The following CATSPERB variants were observed in gnomAD, a reference collection of about 807,000 sequenced individuals.
CATSPERB encodes the protein catsper channel auxiliary subunit beta.
CATSPERB carries 93 observed loss-of-function variants against 128.3 expected under a neutral mutation model. The ratio of observed to expected loss-of-function variants is 0.72; its 90% CI spans 0.61 to 0.86. The LOEUF (loss-of-function observed/expected upper bound fraction) is 0.86. Ranked by LOEUF, CATSPERB falls within the 40% of genes least tolerant of loss-of-function variation. The pLI is 0.00. For synonymous variants in CATSPERB, 381 were observed against 448.8 expected (o/e 0.85, Z 1.91); for missense variants, 1,153 against 1,329.5 (o/e 0.87, Z 2.06).
chr14:91,611,306 T>A (rs572969287), intron 20 of CATSPERB, among the ~76,000 whole-genome samples: 8 of 152,244 alleles, frequency 5.3e-5, no homozygotes, highest in Admixed American at 4.6e-4. Context: ...GGAAATAAGC[T>A]AGGATCAAGA....
At chr14:91,586,136 C>A (rs1421312939) in intron 26 of CATSPERB, among the ~76,000 whole-genome samples, 1 of 152,180 alleles carries the variant, frequency 6.6e-6, no homozygotes, top group Non-Finnish European at 1.5e-5. Flanking sequence ...GTGCCCTGGT[C>A]ATATGCAGCT....
At chr14:91,731,652 C>T (rs1896213049) in intron 1 of CATSPERB, among the ~76,000 whole-genome samples, 1 of 152,176 alleles carries the variant, frequency 6.6e-6, no homozygotes, top group South Asian at 2.1e-4. Context: ...TTTTCCTCAT[C>T]ACACTCCCCT....
At chr14:91,588,145 A>C in intron 24 of CATSPERB, 67 bp from the exon 25 acceptor site, 1 of 966,904 alleles carries the variant, frequency 1.0e-6, no homozygotes, top group Non-Finnish European at 1.6e-6. Context: ...TTGGTGCAAA[A>C]GTAATTGCTG....
chr14:91,701,267 A>G (rs142265806), intron 7 of CATSPERB, among the ~76,000 whole-genome samples: 52 of 152,344 alleles, frequency 3.4e-4, no homozygotes, highest in African/African-American at 1.2e-3. Flanking sequence ...GTTTCAAACA[A>G]GAGGACAGGA....
chr14:91,648,338 G>A (rs564815895), intron 15 of CATSPERB, among the ~76,000 whole-genome samples: 2 of 152,268 alleles, frequency 1.3e-5, no homozygotes, highest in South Asian at 4.1e-4. Flanking sequence ...ACTGGGTTCA[G>A]TTTACCTGCT....
rs566329864 is a variant in CATSPERB, at chr14:91,684,578, A to T, written c.865-635T>A. ...AAAGCCTTTGCTGATATCTAATGAC[A>T]AAACTTGAACACATGAGGAGACACT... is the stretch of plus-strand genomic sequence containing the variant. On this transcript the variant is annotated intron_variant, in intron 10 of 26. Transcript: ENST00000256343. Among the ~76,000 whole-genome samples, 5 of 151,842 alleles carry T rather than the reference A, an allele frequency of 3.3e-5. No homozygotes were observed. The East Asian group carries it at 9.6e-4, about 29-fold the overall frequency.
chr14:91,699,689 T>G (rs1052088626), intron 7 of CATSPERB, among the ~76,000 whole-genome samples: 1 of 151,426 alleles, frequency 6.6e-6, no homozygotes, highest in Non-Finnish European at 1.5e-5. Context: ...TTCTCCTGCC[T>G]CAGCCTCCCG....
intron 15 of CATSPERB, among the ~76,000 whole-genome samples, chr14:91,655,344 C>A (rs1894768999): frequency 6.6e-6 from 1 of 152,202 alleles, no homozygotes. Flanking sequence ...CAAAATAAGG[C>A]ACCAGAGACC....
chr14:91,581,153 T>C (rs1326620259), intron 26 of CATSPERB, 46 bp from the exon 27 acceptor site: 2 of 1,452,982 alleles, frequency 1.4e-6, no homozygotes, highest in Admixed American at 3.9e-5. Context: ...AATTTAGCAA[T>C]GCAAAACACT....
intron 18 of CATSPERB, among the ~76,000 whole-genome samples, chr14:91,622,955 C>T (rs989085749): frequency 7.0e-6 from 1 of 142,894 alleles, no homozygotes; most frequent in Non-Finnish European, 1.5e-5. Context: ...AGTGCAATGG[C>T]GCAATCTTGG....
Position 91,621,699 on chromosome 14 carries a change from T to C in CATSPERB, c.2169A>G (p.Gln723=), listed in dbSNP as rs150224190. 1 of 1,613,902 alleles carries C rather than the reference T, an allele frequency of 6.2e-7. No individual in the cohort carries two copies. Among genetic ancestry groups the C allele is most frequent in the Non-Finnish European group, 8.5e-7 (1 of 1,179,762 alleles). Residue 723 remains glutamine, a synonymous_variant, in exon 19 of 27, where the codon CAA becomes CAG. Transcript: ENST00000256343. The part of the protein sequence containing the change: ...IYSKPCNYWF[Q]HDDSPSLNIV... ...TGTTGAGGGATGGTGAATCATCATG[T>C]TGAAACCAATAATTACATGGTTTTG... is the stretch of plus-strand genomic sequence containing the variant.
intron 15 of CATSPERB, among the ~76,000 whole-genome samples, chr14:91,655,534 G>A (rs1250661323): frequency 3.3e-5 from 5 of 152,172 alleles, no homozygotes; most frequent in Non-Finnish European, 7.4e-5. Flanking sequence ...GCTGAAAAAT[G>A]CAATTGACAT....
In CATSPERB at chr14:91,674,802, C is replaced by T. The variant is rs1222239649; in HGVS notation, c.932-580G>A. ...GGAGGTTAGTCTACAACCTGGCCATCGTGAAGATGACACCAGCCTATGTTC... is the reference window on the plus strand; with the variant it reads ...GGAGGTTAGTCTACAACCTGGCCATTGTGAAGATGACACCAGCCTATGTTC... On this transcript the variant is annotated intron_variant, in intron 11 of 26. Transcript: ENST00000256343. Among the ~76,000 whole-genome samples, 3 of 152,146 alleles carry T rather than the reference C, an allele frequency of 2.0e-5. No homozygotes were observed. The East Asian group carries it at 5.8e-4, about 29-fold the overall frequency.
At chr14:91,581,192 G>A (rs1274429177) in intron 26 of CATSPERB, 85 bp from the exon 27 acceptor site, 13 of 1,127,388 alleles carry the variant, frequency 1.2e-5, no homozygotes, top group Admixed American at 9.1e-5. Flanking sequence ...ACAATTAATC[G>A]GAGAGCAAAA....
chr14:91,704,478 C>G, intron 7 of CATSPERB, 74 bp downstream of exon 7: 1 of 1,456,094 alleles, frequency 6.9e-7, no homozygotes. Context: ...GCATTTATTT[C>G]TGCTGCCAGT....
chr14:91,647,540 T>C (rs984044888), intron 15 of CATSPERB, among the ~76,000 whole-genome samples: 3 of 152,252 alleles, frequency 2.0e-5, no homozygotes, highest in Non-Finnish European at 4.4e-5. Context: ...AGAGATTTAA[T>C]TGACTCACAG....
intron 17 of CATSPERB, among the ~76,000 whole-genome samples, chr14:91,628,929 AATG>A (rs2139795150): frequency 6.6e-6 from 1 of 152,352 alleles, no homozygotes; most frequent in South Asian, 2.1e-4. Context: ...TAGAAATGGA[AATG>A]ATACAGCCAG....
intron 15 of CATSPERB, among the ~76,000 whole-genome samples, chr14:91,649,179 G>A (rs933554771): frequency 6.6e-6 from 1 of 152,138 alleles, no homozygotes; most frequent in Non-Finnish European, 1.5e-5. Flanking sequence ...AACATTTATG[G>A]TGATAACTGT....
At chr14:91,656,867 A>G (rs773012148) in intron 15 of CATSPERB, among the ~76,000 whole-genome samples, 2 of 152,162 alleles carry the variant, frequency 1.3e-5, no homozygotes, top group African/African-American at 4.8e-5. Context: ...CACTATACTT[A>G]TATCAGACAA....
Sources: gnomAD v4.1 joint callset for allele counts (sites outside exome capture counted in the v4.1 genomes callset) on GRCh38, gnomAD v4.1.1 for gene constraint, MANE v1.5 for transcripts, NCBI Gene and HGNC (gene_info 2026-07-23, HGNC 2026-07-21) for gene names.